The following NBEA variants were observed in gnomAD, a reference collection of about 807,000 sequenced individuals.
NBEA encodes the protein lysosomal-trafficking regulator 2.
A neutral mutation model predicts 343.4 loss-of-function variants in NBEA; 44 were observed. The ratio of observed to expected loss-of-function variants is 0.13; its 90% CI spans 0.10 to 0.16. NBEA has a LOEUF of 0.16. NBEA is among the 10% of genes least tolerant of loss of function. The probability of loss-of-function intolerance (pLI) is 1.00; values close to 1 mark genes in which losing one functional copy is unlikely to be tolerated. For synonymous variants in NBEA, 1,175 were observed against 1,238.7 expected (o/e 0.95, Z 1.08); for missense variants, 2,555 against 3,631.3 (o/e 0.70, Z 7.62).
At chr13:35,476,506 C>A (rs2075880385) in intron 41 of NBEA, 3 of 665,858 alleles carry the variant, frequency 4.5e-6, no homozygotes, top group Non-Finnish European at 5.3e-6. Flanking sequence ...ACAAAAGTTG[C>A]GCTGAGACCC....
chr13:35,587,616 G>A (rs1362175336), intron 46 of NBEA, among the ~76,000 whole-genome samples: 2 of 152,046 alleles, frequency 1.3e-5, no homozygotes, highest in African/African-American at 2.4e-5. Flanking sequence ...TACATAAAGT[G>A]GTATTCACTG....
rs576933529 is a variant in NBEA at position 35,567,539 on chromosome 13, C to T, written c.7035+522C>T. Among the ~76,000 whole-genome samples, 206 of 152,244 alleles carry T rather than the reference C, an allele frequency of 1.4e-3. 1 individual carries two copies. The highest frequency in any genetic ancestry group is 2.1e-3 in the Non-Finnish European group (140 of 68,010). ...AAAGGCAAAATTTTTATTAGCTCAC[C>T]TCATTTGTCCAGAGGAAACTACAGT... On this transcript the variant is annotated intron_variant, in intron 45 of 58. Transcript: ENST00000379939.
At chr13:35,289,916 A>G (rs2035694732) in intron 34 of NBEA, among the ~76,000 whole-genome samples, 1 of 151,838 alleles carries the variant, frequency 6.6e-6, no homozygotes, top group Non-Finnish European at 1.5e-5. Flanking sequence ...TAAGCTATTG[A>G]AATTACCTAT....
intron 41 of NBEA, among the ~76,000 whole-genome samples, chr13:35,541,727 T>G (rs1405371561): frequency 3.2e-4 from 26 of 80,174 alleles, no homozygotes; most frequent in East Asian, 1.3e-3. Flanking sequence ...TCTGCATGGG[T>G]GTGTGTGTGT....
At chr13:35,054,924 A>G (rs936189149) in intron 6 of NBEA, among the ~76,000 whole-genome samples, 5 of 152,028 alleles carry the variant, frequency 3.3e-5, no homozygotes, top group African/African-American at 1.2e-4. Flanking sequence ...GATTACAGGT[A>G]TGAGCCACCG....
chr13:35,382,503 G>T (rs371984774), intron 38 of NBEA, among the ~76,000 whole-genome samples: 1 of 152,054 alleles, frequency 6.6e-6, no homozygotes, highest in Admixed American at 6.6e-5. Flanking sequence ...TTGTTTTGGG[G>T]AGTATACTGC....
chr13:35,546,154 C>G (rs538766575), intron 41 of NBEA, among the ~76,000 whole-genome samples: 3 of 152,086 alleles, frequency 2.0e-5, no homozygotes, highest in Non-Finnish European at 4.4e-5. Flanking sequence ...TTTGATGTCA[C>G]AGGGAGGGGA....
intron 41 of NBEA, among the ~76,000 whole-genome samples, chr13:35,531,050 G>T (rs1317997850): frequency 1.3e-5 from 2 of 152,274 alleles, no homozygotes; most frequent in African/African-American, 2.4e-5. Context: ...ATCAGATTTA[G>T]AAATATGCTT....
intron 11 of NBEA, among the ~76,000 whole-genome samples, chr13:35,099,324 A>G (rs1416375886): frequency 2.0e-5 from 3 of 146,568 alleles, no homozygotes; most frequent in Non-Finnish European, 4.5e-5. Flanking sequence ...TCAGCCTCCC[A>G]GGTAGCTGGA....
At chr13:35,424,040 G>A (rs1172465054) in intron 38 of NBEA, among the ~76,000 whole-genome samples, 1 of 152,280 alleles carries the variant, frequency 6.6e-6, no homozygotes, top group East Asian at 1.9e-4. Context: ...TCAGCTTAAG[G>A]AGATTTTGGG....
At chr13:35,647,205 T>G (rs2084277790) in intron 51 of NBEA, among the ~76,000 whole-genome samples, 1 of 152,228 alleles carries the variant, frequency 6.6e-6, no homozygotes, top group Non-Finnish European at 1.5e-5. Context: ...AGGTAAAATT[T>G]TTATGAGCAA....
chr13:35,567,797 G>A (rs574540757), intron 45 of NBEA, among the ~76,000 whole-genome samples: 1 of 152,158 alleles, frequency 6.6e-6, no homozygotes, highest in Non-Finnish European at 1.5e-5. Context: ...GTTTTAGGGG[G>A]CAGGTTTAAG....
Position 35,056,111 on chromosome 13 carries a change from G to T in NBEA, c.1074G>T (p.Trp358Cys). Residue 358 changes from tryptophan to cysteine, a missense_variant, in exon 7 of 59, where the codon TGG (tryptophan) becomes TGT (cysteine). Trp to Cys is a radical substitution (Grantham distance 215). Coordinates refer to ENST00000379939, the MANE Select transcript of NBEA (RefSeq NM_001385012.1). ...TGGTATCTTATGGTGATATGGCTTGGCATGTTAACACAAATGATGTAAGTC... is the reference window on the plus strand; with the variant it reads ...TGGTATCTTATGGTGATATGGCTTGTCATGTTAACACAAATGATGTAAGTC... ...GQLVSYGDMA[W>C]HVNTNDSYDK... 1 of 1,595,430 alleles carries T rather than the reference G, an allele frequency of 6.3e-7. No homozygotes were observed. Among genetic ancestry groups the T allele is most frequent in the Non-Finnish European group, 8.5e-7 (1 of 1,170,584 alleles).
Position 35,156,193 on chromosome 13 carries a change from C to T in NBEA, c.2638C>T (p.Arg880Cys), listed in dbSNP as rs1229774400. 3 of 1,582,976 alleles carry T rather than the reference C, an allele frequency of 1.9e-6. No individual in the cohort carries two copies. Among genetic ancestry groups the T allele is most frequent in the South Asian group, 1.2e-5 (1 of 85,426 alleles). ...TATGATAAAACTTTTCAGTAACAGC[C>T]GTGAAAATAGAAGGTAAGCAGTTTG... ...SDMIKLFSNSRENRRCLLQCS... is the reference protein window; with the variant it reads ...SDMIKLFSNSCENRRCLLQCS... Residue 880 changes from arginine to cysteine, a missense_variant, in exon 20 of 59, where the codon CGT becomes TGT. Physicochemically the swap from Arg to Cys is radical, Grantham distance 180 (BLOSUM62 -3). Around this residue, in one of 21 missense-constraint regions of NBEA, gnomAD observed 360 missense variants for 519.1 expected, o/e 0.69. Coordinates refer to ENST00000379939, the MANE Select transcript of NBEA (RefSeq NM_001385012.1).
intron 36 of NBEA, among the ~76,000 whole-genome samples, chr13:35,320,421 G>A (rs2038055113): frequency 6.6e-6 from 1 of 152,150 alleles, no homozygotes; most frequent in African/African-American, 2.4e-5. Context: ...TTGAATATTT[G>A]CCTCCACTCT....
intron 38 of NBEA, among the ~76,000 whole-genome samples, chr13:35,363,900 A>G (rs1478215040): frequency 1.3e-5 from 2 of 151,910 alleles, no homozygotes; most frequent in Admixed American, 1.3e-4. Context: ...AATAAATAGG[A>G]AAGAATCAGG....
intron 34 of NBEA, among the ~76,000 whole-genome samples, chr13:35,243,805 G>T (rs2030730651): frequency 6.6e-6 from 1 of 151,896 alleles, no homozygotes; most frequent in Non-Finnish European, 1.5e-5. Context: ...AATCGTGGGA[G>T]ACATTCATAT....
rs778006014 is a variant in NBEA, at chr13:34,942,946, G to A, written c.126G>A (p.Met42Ile). The A allele has an allele frequency of 3.1e-6, 5 of 1,589,438 alleles. No individual in the cohort carries two copies. The highest frequency in any genetic ancestry group is 4.7e-5 in the East Asian group (2 of 42,742). ...SGGGGTGGSG[M>I]GELRGASGSG... is the part of the protein sequence containing the mutation. ...GTGGCGGCACCGGGGGCAGCGGGAT[G>A]GGGGAGCTAAGGGGGGCGTCCGGCT... is the stretch of plus-strand genomic sequence containing the variant. Residue 42 changes from methionine (M) to isoleucine (I), a missense_variant, in exon 1 of 59, where the codon ATG (methionine) becomes ATA (isoleucine). This residue lies in a region of NBEA where 122 missense variants were observed against 91.0 expected (regional missense o/e 1.34). Transcript: ENST00000379939.
intron 41 of NBEA, among the ~76,000 whole-genome samples, chr13:35,492,415 T>C (rs905464765): frequency 2.0e-5 from 3 of 151,656 alleles, no homozygotes; most frequent in Non-Finnish European, 4.4e-5. Context: ...CAAGAAAAAA[T>C]TTTAAAGGTA....
Sources: allele counts gnomAD v4.1 joint callset (sites outside exome capture counted in the v4.1 genomes callset), GRCh38; gene constraint gnomAD v4.1.1; regional missense constraint gnomAD v4.1.1; transcripts MANE v1.5; gene names NCBI Gene and HGNC (gene_info 2026-07-23, HGNC 2026-07-21).